The following CFAP206 variants were observed in gnomAD, a reference collection of about 807,000 sequenced individuals.
The protein encoded by CFAP206 is cilia- and flagella-associated protein 206.
Under a neutral mutation model 65.4 loss-of-function variants are expected in CFAP206, and 53 were observed. That is an observed-to-expected ratio of 0.81 (90% CI 0.65 to 1.02). CFAP206 has a LOEUF of 1.02. Ranked by LOEUF, CFAP206 falls within the 50% of genes least tolerant of loss-of-function variation. CFAP206 has a pLI of 0.00. For synonymous variants in CFAP206, 250 were observed against 254.4 expected, an observed-to-expected ratio of 0.98 and a Z score of 0.17; for missense variants, 663 against 753.2, an observed-to-expected ratio of 0.88 and a Z score of 1.40.
In CFAP206 at chr6:87,431,508, A is replaced by G. The variant is rs186715229; in HGVS notation, c.1300+335A>G. On this transcript the variant is annotated intron_variant, in intron 10 of 12. Transcript: ENST00000369562. ...TGGCTGCATGCAGTGGCTCACGCCT[A>G]TAATTCCAGCACTTTGGGAGGTCAG... Among the ~76,000 whole-genome samples the G allele has an allele frequency of 5.3e-5, 8 of 152,352 alleles. No homozygotes were observed. The East Asian group carries it at 1.4e-3, about 26-fold the overall frequency.
At chr6:87,422,463 A>C (rs1767957217) in intron 7 of CFAP206, among the ~76,000 whole-genome samples, 1 of 144,858 alleles carries the variant, frequency 6.9e-6, no homozygotes. Context: ...AAAAAAAAAA[A>C]AAAAAAGGCC....
rs759244884 is a variant in CFAP206 at position 87,418,265 on chromosome 6, T to C, written c.689T>C (p.Leu230Pro). The C allele has an allele frequency of 1.2e-6, 2 of 1,614,170 alleles. No homozygotes were observed. The highest frequency in any genetic ancestry group is 1.7e-6 in the Non-Finnish European group (2 of 1,180,018). The change falls in exon 7 of 13, where the codon CTT (leucine) becomes CCT (proline). Residue 230 changes from leucine to proline, a missense_variant. By Grantham distance (98) the Leu-to-Pro change is moderately conservative. Transcript: ENST00000369562. The part of the protein sequence containing the change: ...PATMQHIDYQ[L>P]ETARSQVYRY... The stretch of plus-strand genomic sequence containing the variant: ...ACCATGCAGCATATTGATTACCAGC[T>C]TGAGACTGCCCGGAGCCAGGTATAC...
At chr6:87,413,208 G>C (rs1304032923) in intron 3 of CFAP206, among the ~76,000 whole-genome samples, 4 of 152,194 alleles carry the variant, frequency 2.6e-5, no homozygotes, top group African/African-American at 4.8e-5. Flanking sequence ...TGGTAGTAAA[G>C]ATATGGAATC....
intron 7 of CFAP206, among the ~76,000 whole-genome samples, chr6:87,422,159 T>C (rs1318234462): frequency 6.6e-6 from 1 of 152,070 alleles, no homozygotes; most frequent in Non-Finnish European, 1.5e-5. Context: ...AATTAAAAAC[T>C]CTAGATGGGC....
chr6:87,425,303 C>G lies in CFAP206; in HGVS notation c.841-1223C>G, dbSNP rs72920671. Among the ~76,000 whole-genome samples the G allele has an allele frequency of 4.4e-3, 673 of 152,258 alleles. 2 individuals are homozygous for G. The highest frequency in any genetic ancestry group is 7.5e-3 in the Non-Finnish European group (507 of 68,004). On this transcript the variant is annotated intron_variant, in intron 7 of 12. Transcript: ENST00000369562. ...AGAACCGTATTTTTCTATATCATCT[C>G]CTTAGAAGGATCACAAACCAGTTCA...
In CFAP206 at chr6:87,428,681, T is replaced by C; in HGVS notation, c.1016T>C (p.Val339Ala). ...ACCAGCTTGCAAGACGAAACTATTG[T>C]GGTTGGTGTCCTCAGTAATTTATTC... ...LWTSLQDETI[V>A]VGVLSNLFTH... Residue 339 changes from valine to alanine, a missense_variant, in exon 9 of 13, where the codon GTG becomes GCG. Val to Ala is a moderately conservative substitution (Grantham distance 64, BLOSUM62 0). Transcript: ENST00000369562. The C allele has an allele frequency of 6.2e-7, 1 of 1,614,134 alleles. No homozygotes were observed. The highest frequency in any genetic ancestry group is 8.5e-7 in the Non-Finnish European group (1 of 1,180,020).
chr6:87,418,468 T>C, intron 7 of CFAP206, 52 bp downstream of exon 7: 2 of 1,489,798 alleles, frequency 1.3e-6, no homozygotes, highest in Non-Finnish European at 1.9e-6. Flanking sequence ...AATCTCTTTA[T>C]ATAAGGCCAC....
In CFAP206 at chr6:87,454,860, C is replaced by A. The variant is rs112485195; in HGVS notation, c.1495-6162C>A. Reference sequence around the variant, plus strand: ...ACTCTGTCTCAAAAAAAAAAAAAAACAAAACAAAACAACAAAAAACCCTAA... The same window carrying A: ...ACTCTGTCTCAAAAAAAAAAAAAAAAAAAACAAAACAACAAAAAACCCTAA... On this transcript the variant is annotated intron_variant, in intron 11 of 12. Coordinates refer to ENST00000369562, the MANE Select transcript of CFAP206 (RefSeq NM_001031743.3). Among the ~76,000 whole-genome samples the A allele has an allele frequency of 8.6e-3, 1,118 of 130,030 alleles. 31 individuals carry two copies. Among genetic ancestry groups the A allele is most frequent in the South Asian group, 0.039 (148 of 3,834 alleles). 85.3% of individuals were successfully genotyped at this position (130,030 alleles called of 152,430 possible).
At chr6:87,431,959 C>G (rs113078470) in intron 10 of CFAP206, among the ~76,000 whole-genome samples, 186 of 152,170 alleles carry the variant, frequency 1.2e-3, no homozygotes, top group African/African-American at 4.0e-3. Context: ...TAAAATTTCT[C>G]TATGATGTAT....
intron 11 of CFAP206, among the ~76,000 whole-genome samples, chr6:87,443,342 C>G (rs938822814): frequency 2.0e-5 from 3 of 152,028 alleles, no homozygotes; most frequent in African/African-American, 7.2e-5. Flanking sequence ...AGTCTTCTCT[C>G]TTTTTATTTT....
At chr6:87,455,706 A>G (rs1490849316) in intron 11 of CFAP206, among the ~76,000 whole-genome samples, 1 of 152,188 alleles carries the variant, frequency 6.6e-6, no homozygotes, top group Non-Finnish European at 1.5e-5. Context: ...CAAAAATTCA[A>G]AGGACCACTA....
chr6:87,449,436 CAAAA>C (rs34540279), intron 11 of CFAP206, among the ~76,000 whole-genome samples: 2 of 53,030 alleles, frequency 3.8e-5, no homozygotes, highest in African/African-American at 6.3e-5. Flanking sequence ...GACTCCATCT[CAAAA>C]AAAAAAAAAA....
At chr6:87,437,719 G>A (rs1351277616) in intron 11 of CFAP206, among the ~76,000 whole-genome samples, 1 of 151,106 alleles carries the variant, frequency 6.6e-6, no homozygotes, top group Non-Finnish European at 1.5e-5. Context: ...GCAATGACAT[G>A]AACATGGCTC....
intron 1 of CFAP206, 82 bp downstream of exon 1, chr6:87,408,171 G>T (rs938712756): frequency 3.9e-5 from 28 of 724,642 alleles, no homozygotes; most frequent in Middle Eastern, 7.0e-4. Context: ...GGCGGAGCTC[G>T]GGCGGCTGGA....
chr6:87,461,680 T>C (rs1373215791), intron 12 of CFAP206, among the ~76,000 whole-genome samples: 3 of 131,544 alleles, frequency 2.3e-5, no homozygotes, highest in African/African-American at 5.5e-5. Flanking sequence ...TGGTATCTTG[T>C]CATTTTAAAC....
chr6:87,424,032 C>T (rs1767993686), intron 7 of CFAP206, among the ~76,000 whole-genome samples: 1 of 152,074 alleles, frequency 6.6e-6, no homozygotes, highest in South Asian at 2.1e-4. Flanking sequence ...TTCTTTTATG[C>T]TATACTGATA....
At chr6:87,416,235 T>G (rs916583873) in intron 5 of CFAP206, among the ~76,000 whole-genome samples, 1 of 152,204 alleles carries the variant, frequency 6.6e-6, no homozygotes, top group Non-Finnish European at 1.5e-5. Context: ...AAATTGAGTC[T>G]GTCATTTAAA....
At chr6:87,439,544 G>A (rs372126066) in intron 11 of CFAP206, among the ~76,000 whole-genome samples, 3 of 152,020 alleles carry the variant, frequency 2.0e-5, no homozygotes, top group Non-Finnish European at 4.4e-5. Flanking sequence ...GGTGTCTCTT[G>A]ATGAACAAGT....
chr6:87,412,614 G>A (rs1033915479), intron 3 of CFAP206, among the ~76,000 whole-genome samples: 5 of 152,140 alleles, frequency 3.3e-5, no homozygotes, highest in Non-Finnish European at 5.9e-5. Flanking sequence ...TGTGAAGAGA[G>A]GGGGGTGGTT....
Sources: allele counts gnomAD v4.1 joint callset (sites outside exome capture counted in the v4.1 genomes callset), GRCh38; gene constraint gnomAD v4.1.1; transcripts MANE v1.5; gene names NCBI Gene and HGNC (gene_info 2026-07-23, HGNC 2026-07-21).